Variants in TXNDC11 observed in about 807,000 individuals in gnomAD.
TXNDC11 encodes the protein thioredoxin domain containing 11.
Under a neutral mutation model 78.0 loss-of-function variants are expected in TXNDC11, and 68 were observed. That is an observed-to-expected ratio of 0.87 (90% CI 0.72 to 1.07). The LOEUF (loss-of-function observed/expected upper bound fraction) is 1.07, where lower values mean the gene tolerates loss of function less well. Among genes scored for constraint, TXNDC11 ranks in the 50% least tolerant of loss-of-function variants. TXNDC11 has a pLI of 0.00. For synonymous variants in TXNDC11, 571 were observed against 495.2 expected, an observed-to-expected ratio of 1.15 and a Z score of -2.03; for missense variants, 1,389 against 1,221.8, an observed-to-expected ratio of 1.14 and a Z score of -2.04.
intron 5 of TXNDC11, among the ~76,000 whole-genome samples, chr16:11,710,003 C>T (rs1393200399): frequency 2.6e-5 from 4 of 151,926 alleles, no homozygotes; most frequent in Admixed American, 1.3e-4. Context: ...ATTAGACAGA[C>T]GTGGTGGCAC....
chr16:11,719,442 C>T (rs188485786), intron 5 of TXNDC11, among the ~76,000 whole-genome samples: 15 of 152,342 alleles, frequency 9.8e-5, no homozygotes, highest in Admixed American at 7.8e-4. Flanking sequence ...GACAGCTTTT[C>T]TCCCCCTATG....
intron 5 of TXNDC11, among the ~76,000 whole-genome samples, chr16:11,711,808 T>C (rs1467273066): frequency 6.6e-6 from 1 of 152,196 alleles, no homozygotes; most frequent in Non-Finnish European, 1.5e-5. Flanking sequence ...AGCTTCGGTT[T>C]CTCCATCTGT....
rs761081536 is a variant in TXNDC11, at chr16:11,684,239, G to A, written c.2160C>T (p.Asp720=). Reference sequence around the variant, plus strand: ...CCCAAGGAAGGTCATTCTGAGACACGTCAATCCTGGTAAAGGGAAAGAACA... The same window carrying A: ...CCCAAGGAAGGTCATTCTGAGACACATCAATCCTGGTAAAGGGAAAGAACA... ...PMDTFTVARI[D]VSQNDLPWEF... Residue 720 remains aspartate, a synonymous_variant, in exon 11 of 12, where the codon GAC becomes GAT. Transcript: ENST00000283033. 45 of 1,611,532 alleles carry A rather than the reference G, an allele frequency of 2.8e-5. No individual in the cohort carries two copies. In the South Asian group the frequency reaches 2.9e-4, roughly 10 times the overall value.
In TXNDC11 at chr16:11,709,259, C is replaced by CTTTTTT. The variant is rs60926291; in HGVS notation, c.794-8701_794-8696dup. Among the ~76,000 whole-genome samples the CTTTTTT allele has an allele frequency of 6.3e-5, 9 of 142,250 alleles. 2 individuals are homozygous for CTTTTTT. The highest frequency in any genetic ancestry group is 2.1e-4 in the Admixed American group (3 of 14,234). The allele number at this position is 142,250 out of a possible 152,430, so 93.3% of individuals were successfully genotyped here. A position where few individuals can be genotyped will look rare whatever the true frequency, so the allele number is the denominator to read the frequency against. On this transcript the variant is annotated intron_variant, in intron 5 of 11. Coordinates refer to ENST00000283033, the MANE Select transcript of TXNDC11 (RefSeq NM_015914.7). ...AACATGTAACTTATAAGCTGTGATT[C>CTTTTTT]TTTTTTTTTTGAGACAGAGTCTCGC...
Position 11,679,868 on chromosome 16 carries a change from G to C in TXNDC11, c.2235-31C>G, listed in dbSNP as rs776631296. The C allele has an allele frequency of 6.3e-7, 1 of 1,583,032 alleles. No homozygotes were observed. ...GAGAGAGGGAAAGGAAGCAAAGACA[G>C]GAGTCACACCAACACAATGAGTCCA... is the stretch of plus-strand genomic sequence containing the variant. On this transcript the variant is annotated intron_variant, in intron 11 of 11. Coordinates refer to ENST00000283033, the MANE Select transcript of TXNDC11 (RefSeq NM_015914.7). The surrounding 1 kb of genome is among the most constrained non-coding windows in gnomAD (Gnocchi z 4.6).
intron 7 of TXNDC11, among the ~76,000 whole-genome samples, chr16:11,694,882 T>C (rs1030231481): frequency 2.6e-5 from 4 of 152,274 alleles, no homozygotes; most frequent in African/African-American, 9.6e-5. Context: ...TCACTTGATG[T>C]CATTTATTTC....
chr16:11,685,212 C>T (rs994964741), intron 10 of TXNDC11, among the ~76,000 whole-genome samples: 4 of 151,998 alleles, frequency 2.6e-5, no homozygotes, highest in East Asian at 3.9e-4. Context: ...AAAAATTGGC[C>T]GGGTATTCTG....
chr16:11,697,335 A>T (rs974734155), intron 7 of TXNDC11, among the ~76,000 whole-genome samples: 2 of 152,198 alleles, frequency 1.3e-5, no homozygotes, highest in African/African-American at 4.8e-5. Context: ...CCAGTGGTAC[A>T]CTGGCTGTCT....
intron 11 of TXNDC11, among the ~76,000 whole-genome samples, chr16:11,681,167 G>A (rs1411501199): frequency 6.6e-6 from 1 of 152,146 alleles, no homozygotes; most frequent in African/African-American, 2.4e-5. Flanking sequence ...GTCAGACCTT[G>A]TCTCAAAAAC....
chr16:11,732,182 C>T (rs972270340), intron 3 of TXNDC11, among the ~76,000 whole-genome samples: 1 of 152,168 alleles, frequency 6.6e-6, no homozygotes, highest in East Asian at 1.9e-4. Flanking sequence ...TTTGAGGTCC[C>T]TTCAATCTTT....
In TXNDC11 at chr16:11,679,354, C is replaced by G; in HGVS notation, c.2718G>C (p.Glu906Asp). The G allele has an allele frequency of 6.2e-7, 1 of 1,611,856 alleles. No individual in the cohort carries two copies. Among genetic ancestry groups the G allele is most frequent in the South Asian group, 1.1e-5 (1 of 90,984 alleles). Reference protein sequence around the residue: ...ILVATMERKLEGRDGAESLAA... With the variant: ...ILVATMERKLDGRDGAESLAA... ...CCAGGCTTTCAGCTCCATCCCTGCC[C>G]TCCAGTTTCCTCTCCATGGTCGCCA... Residue 906 changes from glutamate (E) to aspartate (D), a missense_variant, in exon 12 of 12, where the codon GAG becomes GAC. By Grantham distance (45) the Glu-to-Asp change is conservative. Transcript: ENST00000283033. This position sits in a 1 kb window ranked among gnomAD's most constrained non-coding sequence, Gnocchi z 4.6.
At position 11,679,085 on chromosome 16, in the gene TXNDC11, T is replaced by C; in HGVS notation, c.*110A>G. 8.3e-7 allele frequency: 1 copy of C among 1,199,662 alleles called. No individual in the cohort carries two copies. Among genetic ancestry groups the C allele is most frequent in the Non-Finnish European group, 1.2e-6 (1 of 863,666 alleles). 74.3% of individuals were successfully genotyped at this position (1,199,662 alleles called of 1,614,324 possible). On this transcript the variant is annotated 3_prime_UTR_variant, in exon 12 of 12. Coordinates refer to ENST00000283033, the MANE Select transcript of TXNDC11 (RefSeq NM_015914.7). The surrounding 1 kb of genome is among the most constrained non-coding windows in gnomAD (Gnocchi z 4.6). Reference sequence around the variant, plus strand: ...ATGCTGAATGACATTCAAGCTGATTTTCTAGACCACTGAGAAAATCTTTAT... The same window carrying C: ...ATGCTGAATGACATTCAAGCTGATTCTCTAGACCACTGAGAAAATCTTTAT...
intron 1 of TXNDC11, among the ~76,000 whole-genome samples, chr16:11,736,875 A>G (rs1365526419): frequency 6.6e-6 from 1 of 152,182 alleles, no homozygotes; most frequent in Non-Finnish European, 1.5e-5. Context: ...TTCCCACAAG[A>G]AACAGATCAG....
chr16:11,686,045 G>A (rs143384262), intron 10 of TXNDC11, among the ~76,000 whole-genome samples: 113 of 152,002 alleles, frequency 7.4e-4, no homozygotes, highest in African/African-American at 2.6e-3. Context: ...TGTAACCTCC[G>A]GCTGCTGGAT....
chr16:11,721,785 T>G, intron 4 of TXNDC11, 115 bp from the exon 5 acceptor site: 2 of 572,056 alleles, frequency 3.5e-6, no homozygotes, highest in South Asian at 3.9e-5. Flanking sequence ...TTGTTGCCTT[T>G]CATTTTTTCA....
At position 11,679,599 on chromosome 16, in the gene TXNDC11, C is replaced by T. The variant is rs775952258; in HGVS notation, c.2473G>A (p.Glu825Lys). The change falls in exon 12 of 12, where the codon GAG becomes AAG. Residue 825 changes from glutamate (E) to lysine (K), a missense_variant. Transcript: ENST00000283033. The surrounding 1 kb of genome is among the most constrained non-coding windows in gnomAD (Gnocchi z 4.6). ...SSLQRAQVQV[E>K]SQLSSARRDE... Reference sequence around the variant, plus strand: ...CTGCGGGCACTGGAGAGCTGGGACTCCACCTGCACTTGTGCTCGCTGGAGG... The same window carrying T: ...CTGCGGGCACTGGAGAGCTGGGACTTCACCTGCACTTGTGCTCGCTGGAGG... 1.2e-6 allele frequency: 2 copies of T among 1,614,034 alleles called. No homozygotes were observed. Among genetic ancestry groups the T allele is most frequent in the East Asian group, 4.5e-5 (2 of 44,902 alleles).
intron 4 of TXNDC11, among the ~76,000 whole-genome samples, chr16:11,727,469 G>T (rs936355703): frequency 5.3e-5 from 8 of 152,066 alleles, no homozygotes; most frequent in African/African-American, 1.9e-4. Flanking sequence ...ACTGAGATAA[G>T]GCTCTTGACC....
intron 10 of TXNDC11, among the ~76,000 whole-genome samples, chr16:11,685,823 A>G (rs1267303051): frequency 6.6e-6 from 1 of 152,214 alleles, no homozygotes; most frequent in Non-Finnish European, 1.5e-5. Context: ...TTCCATAATT[A>G]AATGCTTTTT....
Position 11,701,167 on chromosome 16 carries a change from C to T in TXNDC11, c.794-603G>A, listed in dbSNP as rs372416473. The stretch of plus-strand genomic sequence containing the variant: ...TTTTTTTTTTTTTGAGATGGAGTCT[C>T]GCTCTGTGGCCCAGGTTGGAGTGCA... On this transcript the variant is annotated intron_variant, in intron 5 of 11. Transcript: ENST00000283033. Among the ~76,000 whole-genome samples, 132 of 119,136 alleles carry T rather than the reference C, an allele frequency of 1.1e-3. No individual in the cohort carries two copies. In the South Asian group the frequency reaches 0.035, roughly 32 times the overall value. The allele number at this position is 119,136 out of a possible 152,430, so 78.2% of individuals were successfully genotyped here. A position where few individuals can be genotyped will look rare whatever the true frequency, so the allele number is the denominator to read the frequency against.
Sources: gnomAD v4.1 joint callset for allele counts (sites outside exome capture counted in the v4.1 genomes callset) on GRCh38, gnomAD v4.1.1 for gene constraint, Gnocchi (gnomAD v3.1) non-coding constraint, MANE v1.5 for transcripts, NCBI Gene and HGNC (gene_info 2026-07-23, HGNC 2026-07-21) for gene names.